The following PCDHGA4 variants were observed in gnomAD, a reference collection of about 807,000 sequenced individuals.
The protein encoded by PCDHGA4 is protocadherin gamma-A4.
PCDHGA4 carries 38 observed loss-of-function variants against 54.6 expected under a neutral mutation model. That is an observed-to-expected ratio of 0.70 (90% CI 0.54 to 0.91). PCDHGA4 has a LOEUF of 0.91. Among genes scored for constraint, PCDHGA4 ranks in the 40% least tolerant of loss-of-function variants. The pLI, the probability that PCDHGA4 is intolerant of heterozygous loss-of-function variation, is 0.00. For missense variants in PCDHGA4, 1,298 were observed against 1,220.9 expected (o/e 1.06, Z -0.94); for synonymous variants, 511 against 512.9 (o/e 1.00, Z 0.05).
rs1379023118 is a variant in PCDHGA4, at chr5:141,487,609, G to A, written c.2515-7198G>A. ...GCCCACCCTCTGATCTTCTCTATGG[G>A]CTAGAGGTGAGACCTTTGCAGGCTC... On this transcript the variant is annotated intron_variant, in intron 1 of 3. Transcript: ENST00000571252. The surrounding 1 kb of genome is among the most constrained non-coding windows in gnomAD (Gnocchi z 5.0). 1 of 1,614,202 alleles carries A rather than the reference G, an allele frequency of 6.2e-7. No individual in the cohort carries two copies. The highest frequency in any genetic ancestry group is 1.1e-5 in the South Asian group (1 of 91,084).
At chr5:141,437,264 A>G (rs2097872616) in intron 1 of PCDHGA4, among the ~76,000 whole-genome samples, 2 of 152,228 alleles carry the variant, frequency 1.3e-5, no homozygotes, top group South Asian at 2.1e-4. Context: ...TTTTATGTGT[A>G]TGACAGATGT....
At chr5:141,492,576 G>A (rs2099742137) in intron 1 of PCDHGA4, among the ~76,000 whole-genome samples, 1 of 152,234 alleles carries the variant, frequency 6.6e-6, no homozygotes, top group Admixed American at 6.5e-5. Context: ...AGCGAGGCGC[G>A]GGGCCAGGAG....
chr5:141,491,826 C>G lies in PCDHGA4; in HGVS notation c.2515-2981C>G. ...GGCTTGGTCGCTGGCTGCGCTCCAC[C>G]CGATTCTCGGGATCATTGGACCGTT... On this transcript the variant is annotated intron_variant, in intron 1 of 3. Coordinates refer to ENST00000571252, the MANE Select transcript of PCDHGA4 (RefSeq NM_018917.4). The surrounding 1 kb of genome is among the most constrained non-coding windows in gnomAD (Gnocchi z 6.9). 1 of 1,477,526 alleles carries G rather than the reference C, an allele frequency of 6.8e-7. No individual in the cohort carries two copies. The highest frequency in any genetic ancestry group is 9.0e-7 in the Non-Finnish European group (1 of 1,114,486). 91.5% of individuals were successfully genotyped at this position (1,477,526 alleles called of 1,614,324 possible). A position where few individuals can be genotyped will look rare whatever the true frequency, so the allele number is the denominator to read the frequency against.
intron 1 of PCDHGA4, among the ~76,000 whole-genome samples, chr5:141,482,767 A>G (rs2099572087): frequency 6.6e-6 from 1 of 150,474 alleles, no homozygotes; most frequent in East Asian, 1.9e-4. Flanking sequence ...TTTCATTATC[A>G]CTGAACCTTA....
intron 1 of PCDHGA4, chr5:141,394,889 T>C: frequency 6.2e-7 from 1 of 1,613,858 alleles, no homozygotes; most frequent in Non-Finnish European, 8.5e-7. Context: ...TTACACTCTA[T>C]CTCGTGGTGG....
rs1349189547 is a variant in PCDHGA4 at position 141,432,777 on chromosome 5, C to A, written c.2515-62030C>A. 1.2e-6 allele frequency: 2 copies of A among 1,614,154 alleles called. No individual in the cohort carries two copies. The highest frequency in any genetic ancestry group is 1.3e-5 in the African/African-American group (1 of 75,062). ...GCCGACAGCATCCCCCAAGTCCTGGCGGACCTCGGCAGCCTCGAGTCTCCA... is the reference window on the plus strand; with the variant it reads ...GCCGACAGCATCCCCCAAGTCCTGGAGGACCTCGGCAGCCTCGAGTCTCCA... On this transcript the variant is annotated intron_variant, in intron 1 of 3. Transcript: ENST00000571252. This position sits in a 1 kb window ranked among gnomAD's most constrained non-coding sequence, Gnocchi z 6.0.
At chr5:141,361,278 A>C (rs776923636) in intron 1 of PCDHGA4, 5 of 1,614,014 alleles carry the variant, frequency 3.1e-6, no homozygotes, top group Non-Finnish European at 4.2e-6. Context: ...AAAATGGAGA[A>C]GTTTACTGCC....
At chr5:141,403,574 C>T (rs1441332710) in intron 1 of PCDHGA4, 1 of 1,613,960 alleles carries the variant, frequency 6.2e-7, no homozygotes, top group Non-Finnish European at 8.5e-7. Context: ...GGCAACTGCC[C>T]ACCACCTGGT....
At chr5:141,470,628 G>T (rs1475199767) in intron 1 of PCDHGA4, among the ~76,000 whole-genome samples, 12 of 152,146 alleles carry the variant, frequency 7.9e-5, no homozygotes, top group Admixed American at 7.9e-4. Flanking sequence ...GCTTAGATAG[G>T]CCCCCTTGCT....
chr5:141,402,610 G>A (rs900326336), intron 1 of PCDHGA4, among the ~76,000 whole-genome samples: 1 of 152,168 alleles, frequency 6.6e-6, no homozygotes, highest in Admixed American at 6.5e-5. Context: ...AAATACAAAT[G>A]CAAGAAACAA....
chr5:141,357,730 A>G (rs1330866437), intron 1 of PCDHGA4, 109 bp downstream of exon 1: 2 of 1,357,402 alleles, frequency 1.5e-6, no homozygotes, highest in Non-Finnish European at 2.0e-6. Flanking sequence ...CTCTTTTAAT[A>G]TTTTATTGCT....
chr5:141,381,114 C>T (rs1776995401), intron 1 of PCDHGA4, among the ~76,000 whole-genome samples: 1 of 152,152 alleles, frequency 6.6e-6, no homozygotes, highest in Non-Finnish European at 1.5e-5. Context: ...CAAAGTGTTC[C>T]CTGTATTCTG....
At chr5:141,430,846 C>A in intron 1 of PCDHGA4, 1 of 1,576,344 alleles carries the variant, frequency 6.3e-7, no homozygotes, top group South Asian at 1.2e-5. Context: ...CCGGATGCAC[C>A]CAGATACGCT....
intron 1 of PCDHGA4, among the ~76,000 whole-genome samples, chr5:141,445,885 G>A (rs1171777990): frequency 1.3e-5 from 2 of 152,148 alleles, no homozygotes; most frequent in African/African-American, 4.8e-5. Flanking sequence ...CTTGTACTTA[G>A]GAGCTATTAA....
In PCDHGA4 at chr5:141,356,454, T is replaced by G; in HGVS notation, c.1347T>G (p.Tyr449Ter). The G allele has an allele frequency of 6.2e-7, 1 of 1,613,414 alleles. No homozygotes were observed. Among genetic ancestry groups the G allele is most frequent in the Non-Finnish European group, 8.5e-7 (1 of 1,179,558 alleles). Residue 449 changes from tyrosine to a stop codon, truncating the protein, a stop_gained, in exon 1 of 4, where the codon TAT (tyrosine) becomes TAG (stop). Transcript: ENST00000571252. LOFTEE classifies it high-confidence loss of function. ...RTLDREEVSE[Y>*]NITVTATDQG... ...TGGACAGGGAAGAAGTCTCAGAATA[T>G]AACATCACTGTAACTGCCACTGACC...
chr5:141,478,767 C>T (rs953695562), intron 1 of PCDHGA4: 44 of 1,500,650 alleles, frequency 2.9e-5, no homozygotes, highest in Non-Finnish European at 3.9e-5. Context: ...ATACTTGACT[C>T]ATCTGTGGAC....
chr5:141,356,207 C>T lies in PCDHGA4; in HGVS notation c.1100C>T (p.Thr367Ile), dbSNP rs763189186. The T allele has an allele frequency of 6.2e-7, 1 of 1,606,100 alleles. No homozygotes were observed. The change falls in exon 1 of 4, where the codon ACA (threonine) becomes ATA (isoleucine). Residue 367 changes from threonine to isoleucine, a missense_variant. Physicochemically the swap from Thr to Ile is moderately conservative, Grantham distance 89. Coordinates refer to ENST00000571252, the MANE Select transcript of PCDHGA4 (RefSeq NM_018917.4). Reference sequence around the variant, plus strand: ...CGAGCTAGAAGCAAGGTACTGGTGACAGTTCTGGATGAAAATGACAACGCA... The same window carrying T: ...CGAGCTAGAAGCAAGGTACTGGTGATAGTTCTGGATGAAAATGACAACGCA... ...GLRARSKVLV[T>I]VLDENDNAPE...
At position 141,356,229 on chromosome 5, in the gene PCDHGA4, C is replaced by T. The variant is rs371768602; in HGVS notation, c.1122C>T (p.Asn374=). 114 of 1,593,544 alleles carry T rather than the reference C, an allele frequency of 7.2e-5. No individual in the cohort carries two copies. The African/African-American group carries it at 8.8e-4, about 12-fold the overall frequency. ...VLVTVLDEND[N]APEVTVTSLT... ...TGACAGTTCTGGATGAAAATGACAA[C>T]GCACCAGAAGTCACAGTTACATCTC... The change falls in exon 1 of 4, where the codon AAC becomes AAT. Residue 374 remains asparagine, a synonymous_variant. Transcript: ENST00000571252.
intron 2 of PCDHGA4, among the ~76,000 whole-genome samples, chr5:141,502,956 G>A (rs986743949): frequency 1.3e-5 from 2 of 148,846 alleles, no homozygotes; most frequent in African/African-American, 5.0e-5. Context: ...CGATTCTCCT[G>A]CCTCAGCCTC....
Sources: gnomAD v4.1 joint callset for allele counts (sites outside exome capture counted in the v4.1 genomes callset) on GRCh38, gnomAD v4.1.1 for gene constraint, Gnocchi (gnomAD v3.1) non-coding constraint, MANE v1.5 for transcripts, NCBI Gene and HGNC (gene_info 2026-07-23, HGNC 2026-07-21) for gene names.